The following CPA3 variants were observed in gnomAD, a reference collection of about 807,000 sequenced individuals.
CPA3 encodes the protein carboxypeptidase A3, also known as mast cell carboxypeptidase A.
A neutral mutation model predicts 55.8 loss-of-function variants in CPA3; 52 were observed. The ratio of observed to expected loss-of-function variants is 0.93; its 90% confidence interval spans 0.75 to 1.17. The LOEUF is 1.17. Among genes scored for constraint, CPA3 ranks in the 50% most tolerant of loss-of-function variants. The pLI, the probability that CPA3 is intolerant of heterozygous loss-of-function variation, is 0.00. For missense variants in CPA3, 547 were observed against 509.1 expected, an observed-to-expected ratio of 1.07 and a Z score of -0.72; for synonymous variants, 179 against 171.2, an observed-to-expected ratio of 1.05 and a Z score of -0.36.
intron 10 of CPA3, among the ~76,000 whole-genome samples, chr3:148,888,355 C>T (rs1281718927): frequency 6.6e-6 from 1 of 152,214 alleles, no homozygotes; most frequent in East Asian, 1.9e-4. Context: ...TAACAATCAC[C>T]TATCAACCAG....
chr3:148,896,069 AT>A (rs532957974), intron 10 of CPA3, among the ~76,000 whole-genome samples: 17 of 152,226 alleles, frequency 1.1e-4, no homozygotes, highest in Non-Finnish European at 1.9e-4. Flanking sequence ...TCTTTTGACT[AT>A]GAAATAGTTT....
intron 10 of CPA3, among the ~76,000 whole-genome samples, chr3:148,893,917 A>T (rs1714750296): frequency 6.6e-6 from 1 of 152,224 alleles, no homozygotes; most frequent in Non-Finnish European, 1.5e-5. Context: ...AATAAATTCA[A>T]TGTATTGCAA....
rs774582800 is a variant in CPA3 at position 148,886,092 on chromosome 3, G to C, written c.982-1G>C. On this transcript the variant is annotated splice_acceptor_variant, in intron 9 of 10. Coordinates refer to ENST00000296046, the MANE Select transcript of CPA3 (RefSeq NM_001870.4). LOFTEE classifies it high-confidence loss of function. ...TCACTCTAACTTTCCTTTCTCTCCA[G>C]GCCAAAGTTGCAAAGATTGGCACTG... 33 of 1,610,954 alleles carry C rather than the reference G, an allele frequency of 2.0e-5. No homozygotes were observed. The Middle Eastern group carries it at 9.9e-4, about 48-fold the overall frequency.
intron 7 of CPA3, among the ~76,000 whole-genome samples, chr3:148,882,209 A>G (rs1473928698): frequency 6.6e-6 from 1 of 152,230 alleles, no homozygotes; most frequent in Non-Finnish European, 1.5e-5. Flanking sequence ...AATTTAAATT[A>G]TGGTTAATTT....
chr3:148,885,601 G>A lies in CPA3; in HGVS notation c.982-492G>A, dbSNP rs60120526. ...AATTTTTTGTATTTTTAGTAGAGAC[G>A]GGGTTTCACCATGCTAGCCAGGATG... is the stretch of plus-strand genomic sequence containing the variant. On this transcript the variant is annotated intron_variant, in intron 9 of 10. Transcript: ENST00000296046. Among the ~76,000 whole-genome samples the A allele has an allele frequency of 6.6e-3, 1,007 of 151,554 alleles. 16 individuals carry two copies. Among genetic ancestry groups the A allele is most frequent in the African/African-American group, 0.023 (948 of 41,312 alleles).
intron 2 of CPA3, among the ~76,000 whole-genome samples, chr3:148,867,260 A>C (rs540377420): frequency 3.3e-5 from 5 of 152,194 alleles, no homozygotes; most frequent in Non-Finnish European, 1.5e-5. Context: ...AGTCCTACTT[A>C]TTTCTCAAGA....
At chr3:148,886,053 A>G in intron 9 of CPA3, 40 bp from the exon 10 acceptor site, 1 of 1,349,832 alleles carries the variant, frequency 7.4e-7, no homozygotes, top group Non-Finnish European at 1.1e-6. Flanking sequence ...GTATTTACAC[A>G]GTATCCTATT....
chr3:148,883,632 C>T lies in CPA3; in HGVS notation c.798C>T (p.Asp266=). 1 of 1,613,950 alleles carries T rather than the reference C, an allele frequency of 6.2e-7. No homozygotes were observed. The highest frequency in any genetic ancestry group is 2.2e-5 in the East Asian group (1 of 44,878). The part of the protein sequence containing the change: ...ASWNSIPNTN[D]PCADNYRGSA... Reference sequence around the variant, plus strand: ...CTGCAGCCATTCCTAACACCAATGACCCATGTGCAGATAACTATCGGGGCT... The same window carrying T: ...CTGCAGCCATTCCTAACACCAATGATCCATGTGCAGATAACTATCGGGGCT... The change falls in exon 9 of 11, where the codon GAC becomes GAT. Residue 266 remains aspartate, a synonymous_variant. Coordinates refer to ENST00000296046, the MANE Select transcript of CPA3 (RefSeq NM_001870.4).
At chr3:148,885,810 T>G (rs1030715584) in intron 9 of CPA3, among the ~76,000 whole-genome samples, 3 of 152,190 alleles carry the variant, frequency 2.0e-5, no homozygotes, top group African/African-American at 4.8e-5. Flanking sequence ...TAAATTTGAC[T>G]TTTTTCATCC....
chr3:148,874,275 T>C (rs1331489161), intron 3 of CPA3, among the ~76,000 whole-genome samples: 1 of 152,170 alleles, frequency 6.6e-6, no homozygotes, highest in Admixed American at 6.6e-5. Flanking sequence ...TCTAAAAATA[T>C]TCTTAGATAC....
At chr3:148,892,700 G>C (rs952541576) in intron 10 of CPA3, among the ~76,000 whole-genome samples, 2 of 151,932 alleles carry the variant, frequency 1.3e-5, no homozygotes, top group Non-Finnish European at 2.9e-5. Flanking sequence ...AAAACTGTCT[G>C]GGTGTGGTGG....
rs138751736 is a variant in CPA3, at chr3:148,878,519, C to T, written c.348C>T (p.Tyr116=). The change falls in exon 4 of 11, where the codon TAC becomes TAT. Residue 116 remains tyrosine (Y), a synonymous_variant. Coordinates refer to ENST00000296046, the MANE Select transcript of CPA3 (RefSeq NM_001870.4). ...AAGATATCCCAGGCAGGCACAGCTA[C>T]GCAAAATACAATAATTGGGAAAAGG... ...VKEDIPGRHS[Y]AKYNNWEKIV... The T allele has an allele frequency of 4.6e-4, 747 of 1,612,686 alleles. 1 individual carries two copies. Among genetic ancestry groups the T allele is most frequent in the East Asian group, 5.4e-4 (24 of 44,808 alleles).
chr3:148,880,098 C>A (rs547757654), intron 6 of CPA3, among the ~76,000 whole-genome samples: 80 of 152,286 alleles, frequency 5.3e-4, no homozygotes, highest in South Asian at 5.0e-3. Flanking sequence ...TAAACTCAAG[C>A]TAAGAGTTTA....
chr3:148,874,111 C>G (rs1264798404), intron 3 of CPA3, among the ~76,000 whole-genome samples: 1 of 152,120 alleles, frequency 6.6e-6, no homozygotes, highest in African/African-American at 2.4e-5. Flanking sequence ...ATTTCTAGTC[C>G]CTATCAGCAA....
intron 3 of CPA3, among the ~76,000 whole-genome samples, chr3:148,876,708 C>T (rs544678935): frequency 4.6e-5 from 7 of 151,736 alleles, no homozygotes; most frequent in African/African-American, 1.7e-4. Flanking sequence ...TGAAATTACT[C>T]AAAATTTTTG....
intron 3 of CPA3, among the ~76,000 whole-genome samples, chr3:148,875,470 C>T (rs1257079310): frequency 6.6e-6 from 1 of 152,076 alleles, no homozygotes; most frequent in African/African-American, 2.4e-5. Flanking sequence ...AAAGAATTAT[C>T]ATTATCAATA....
Position 148,878,566 on chromosome 3 carries a change from T to A in CPA3, c.372+23T>A, listed in dbSNP as rs75696101. 9,726 of 1,553,118 alleles carry A rather than the reference T, an allele frequency of 6.3e-3. 503 individuals carry two copies. In the African/African-American group the frequency reaches 0.11, roughly 18 times the overall value. ...AAGGTACAGTAAAAAATGCCTGTAC[T>A]TTTTTTTAAGTTACCCTTAATATTT... On this transcript the variant is annotated intron_variant, in intron 4 of 10. Coordinates refer to ENST00000296046, the MANE Select transcript of CPA3 (RefSeq NM_001870.4).
rs76952562 is a variant in CPA3, at chr3:148,878,780, T to C, written c.474+32T>C. The stretch of plus-strand genomic sequence containing the variant: ...ATAACTCAAGAACCACTAATTCTTA[T>C]TACTGTTGAAAAACATGAATTTAAA... On this transcript the variant is annotated intron_variant, in intron 5 of 10. Transcript: ENST00000296046. 7,597 of 1,274,932 alleles carry C rather than the reference T, an allele frequency of 6.0e-3. 443 individuals carry two copies. The East Asian group carries it at 0.14, about 23-fold the overall frequency. The allele number at this position is 1,274,932 out of a possible 1,614,324, so 79.0% of individuals were successfully genotyped here. A position where few individuals can be genotyped will look rare whatever the true frequency, so the allele number is the denominator to read the frequency against.
chr3:148,871,407 C>T (rs1052934172), intron 3 of CPA3, among the ~76,000 whole-genome samples: 5 of 152,186 alleles, frequency 3.3e-5, no homozygotes, highest in Non-Finnish European at 2.9e-5. Context: ...AGCCCTATAA[C>T]GCAGTTACAA....
Sources: allele counts gnomAD v4.1 joint callset (sites outside exome capture counted in the v4.1 genomes callset), GRCh38; gene constraint gnomAD v4.1.1; transcripts MANE v1.5; gene names NCBI Gene and HGNC (gene_info 2026-07-23, HGNC 2026-07-21).